Variants in COL24A1 observed in about 807,000 individuals in gnomAD.
COL24A1 encodes collagen type XXIV alpha 1 chain, also known as collagen alpha-1(XXIV) chain.
Under a neutral mutation model 253.9 loss-of-function variants are expected in COL24A1, and 224 were observed. That is an observed-to-expected ratio of 0.88 (90% CI 0.79 to 0.99). The LOEUF (loss-of-function observed/expected upper bound fraction) is 0.99, where lower values mean the gene tolerates loss of function less well. Ranked by LOEUF, COL24A1 falls within the 50% of genes least tolerant of loss-of-function variation. The probability of loss-of-function intolerance (pLI) is 0.00; values close to 1 mark genes in which losing one functional copy is unlikely to be tolerated. For synonymous variants in COL24A1, 685 were observed against 673.7 expected (o/e 1.02, Z -0.26); for missense variants, 2,131 against 2,068.5 (o/e 1.03, Z -0.59).
intron 52 of COL24A1, 118 bp downstream of exon 52, chr1:85,781,102 G>GGAAAAAA: frequency 5.7e-6 from 4 of 699,792 alleles, no homozygotes; most frequent in Non-Finnish European, 9.1e-6. Flanking sequence ...AGAAGAAAAT[G>GGAAAAAA]TATATCTATT....
chr1:86,093,879 T>C (rs921335463), intron 5 of COL24A1, among the ~76,000 whole-genome samples: 5 of 151,950 alleles, frequency 3.3e-5, no homozygotes, highest in Non-Finnish European at 5.9e-5. Flanking sequence ...CCAACAAGCA[T>C]ATGAAAAAAA....
In COL24A1 at chr1:86,110,392, G is replaced by A. The variant is rs1705429037; in HGVS notation, c.1599+2175C>T. ...ACACTGTTATCTATCATATTGAGAG[G>A]TGACAACATGCTAGCAGCCCTCGCT... On this transcript the variant is annotated intron_variant, in intron 5 of 59. Transcript: ENST00000370571. Among the ~76,000 whole-genome samples the A allele has an allele frequency of 2.0e-5, 3 of 152,092 alleles. 1 individual carries two copies. The highest frequency in any genetic ancestry group is 4.2e-4 in the South Asian group (2 of 4,812).
rs371949508 is a variant in COL24A1 at position 85,932,042 on chromosome 1, C to T, written c.2563-20609G>A. On this transcript the variant is annotated intron_variant, in intron 24 of 59. Coordinates refer to ENST00000370571, the MANE Select transcript of COL24A1 (RefSeq NM_152890.7). ...TAGGCGTGGGCAAGGACTTCATGTC[C>T]AAAACACCAAAAGCAATGGCAACCA... 7.0e-5 allele frequency among the ~76,000 whole-genome samples: 5 copies of T among 71,696 alleles called. No individual in the cohort carries two copies. The Admixed American group carries it at 9.3e-4, about 13-fold the overall frequency. The allele number at this position is 71,696 out of a possible 152,430, so 47.0% of individuals were successfully genotyped here.
At chr1:86,050,079 C>T (rs1422807657) in intron 11 of COL24A1, 45 bp downstream of exon 11, 1 of 1,520,352 alleles carries the variant, frequency 6.6e-7, no homozygotes, top group Admixed American at 1.7e-5. Context: ...TACATTATCA[C>T]AAGTATATCA....
intron 24 of COL24A1, among the ~76,000 whole-genome samples, chr1:85,940,620 A>C (rs992538181): frequency 6.6e-6 from 1 of 152,180 alleles, no homozygotes; most frequent in Non-Finnish European, 1.5e-5. Flanking sequence ...TTGGAGTCAC[A>C]GTTCCTCCAC....
chr1:85,933,242 T>C (rs1008014103), intron 24 of COL24A1, among the ~76,000 whole-genome samples: 60 of 152,306 alleles, frequency 3.9e-4, no homozygotes, highest in Non-Finnish European at 3.1e-4. Context: ...GCAAAATTAC[T>C]CTATTCAGTA....
At chr1:85,730,736 A>G in intron 59 of COL24A1, 44 bp from the exon 60 acceptor site, 1 of 1,598,030 alleles carries the variant, frequency 6.3e-7, no homozygotes, top group South Asian at 1.1e-5. Flanking sequence ...TTTCATTAGC[A>G]GTCACTTTCA....
chr1:86,003,631 G>T (rs1695647578), intron 19 of COL24A1, among the ~76,000 whole-genome samples: 1 of 152,136 alleles, frequency 6.6e-6, no homozygotes, highest in African/African-American at 2.4e-5. Context: ...TAACAACAGA[G>T]AAGAAAAAAG....
At chr1:85,744,254 C>T (rs2100928144) in intron 57 of COL24A1, among the ~76,000 whole-genome samples, 1 of 151,834 alleles carries the variant, frequency 6.6e-6, no homozygotes, top group South Asian at 2.1e-4. Flanking sequence ...TTCTAGAAGG[C>T]GACATTTAAA....
intron 5 of COL24A1, among the ~76,000 whole-genome samples, chr1:86,106,028 A>G (rs1434938291): frequency 6.6e-6 from 1 of 152,174 alleles, no homozygotes; most frequent in African/African-American, 2.4e-5. Flanking sequence ...CAGCTGTTCC[A>G]CCTGGCTGTG....
At chr1:85,763,561 G>T (rs1667054957) in intron 53 of COL24A1, among the ~76,000 whole-genome samples, 1 of 141,188 alleles carries the variant, frequency 7.1e-6, no homozygotes. Flanking sequence ...GTGCGATCTC[G>T]GCTCACTGCA....
In COL24A1 at chr1:85,868,533, G is replaced by A. The variant is rs970515323; in HGVS notation, c.3286C>T (p.Gln1096Ter). The part of the protein sequence containing the change: ...GIIGPLGRSG[Q>*]TGLPGPEGIV... ...GCAGTACTTACCGGAAGGCCTGTTT[G>A]GCCTGATCTACCCAAGGGTCCTATA... The change falls in exon 37 of 60, where the codon CAA becomes TAA. Residue 1096 changes from glutamine (Q) to a stop codon, truncating the protein, a stop_gained. Transcript: ENST00000370571. LOFTEE classifies it high-confidence loss of function. 9 of 1,613,454 alleles carry A rather than the reference G, an allele frequency of 5.6e-6. No individual in the cohort carries two copies. The highest frequency in any genetic ancestry group is 7.6e-6 in the Non-Finnish European group (9 of 1,179,532).
intron 24 of COL24A1, among the ~76,000 whole-genome samples, chr1:85,952,605 C>G (rs1444180865): frequency 6.6e-6 from 1 of 152,184 alleles, no homozygotes; most frequent in African/African-American, 2.4e-5. Flanking sequence ...TAAAGTATAA[C>G]CTTCCAGGAC....
chr1:86,087,036 C>A (rs1272660072), intron 7 of COL24A1, among the ~76,000 whole-genome samples: 1 of 152,132 alleles, frequency 6.6e-6, no homozygotes. Context: ...GAAAGTAAGT[C>A]ACTTTCTAAA....
intron 33 of COL24A1, among the ~76,000 whole-genome samples, chr1:85,876,513 T>C (rs934951713): frequency 2.6e-5 from 4 of 152,004 alleles, no homozygotes; most frequent in African/African-American, 7.2e-5. Flanking sequence ...AGGAGAGAGG[T>C]ATAAAATACA....
chr1:85,995,989 C>T (rs575090515), intron 19 of COL24A1, among the ~76,000 whole-genome samples: 72 of 152,124 alleles, frequency 4.7e-4, no homozygotes, highest in Non-Finnish European at 9.3e-4. Context: ...ATTACTCAGT[C>T]TCAGGTATTT....
At chr1:85,950,009 G>A (rs74097622) in intron 24 of COL24A1, among the ~76,000 whole-genome samples, 4,880 of 152,070 alleles carry the variant, frequency 0.032, 262 homozygotes, top group African/African-American at 0.11. Context: ...CTAGAGTGAT[G>A]CCTAAGGCCT....
At chr1:85,922,868 C>T (rs1338111434) in intron 24 of COL24A1, among the ~76,000 whole-genome samples, 3 of 152,150 alleles carry the variant, frequency 2.0e-5, no homozygotes, top group Admixed American at 6.5e-5. Flanking sequence ...AAGACACGGA[C>T]TGGCAAATTG....
rs1179320198 is a variant in COL24A1, at chr1:86,020,054, ATTCT to A, written c.2256+2182_2256+2185del. 3.6e-3 allele frequency among the ~76,000 whole-genome samples: 457 copies of A among 125,808 alleles called. 3 individuals carry two copies. Among genetic ancestry groups the A allele is most frequent in the African/African-American group, 0.01 (332 of 31,970 alleles). The allele number at this position is 125,808 out of a possible 152,430, so 82.5% of individuals were successfully genotyped here. ...GATATGGCCTAAACTTTCTTTTTTC[ATTCT>A]TTCTTTTTTTTTTTTTTTTTTTTTT... On this transcript the variant is annotated intron_variant, in intron 18 of 59. Transcript: ENST00000370571.
Sources: allele counts gnomAD v4.1 joint callset (sites outside exome capture counted in the v4.1 genomes callset), GRCh38; gene constraint gnomAD v4.1.1; transcripts MANE v1.5; gene names NCBI Gene and HGNC (gene_info 2026-07-23, HGNC 2026-07-21).